SCHIP1: variants seen among roughly 807,000 people sequenced by gnomAD.
SCHIP1 encodes the protein schwannomin interacting protein 1.
SCHIP1 carries 8 observed loss-of-function variants against 29.7 expected under a neutral mutation model. That is an observed-to-expected ratio of 0.27 (90% confidence interval 0.16 to 0.49). SCHIP1 has a LOEUF of 0.49. Ranked by LOEUF, SCHIP1 falls within the 20% of genes least tolerant of loss-of-function variation. SCHIP1 has a pLI of 0.99. For missense variants in SCHIP1, 193 were observed against 294.6 expected (o/e 0.66, Z 2.52); for synonymous variants, 76 against 94.9 (o/e 0.80, Z 1.16).
the SCHIP1 span, among the ~76,000 whole-genome samples, chr3:159,378,433 T>G: frequency 6.6e-6 from 1 of 151,854 alleles, no homozygotes; most frequent in Non-Finnish European, 1.5e-5. Flanking sequence ...CTTGGGTGGT[T>G]GTTTTTGTTG....
chr3:159,569,100 T>C, the SCHIP1 span, among the ~76,000 whole-genome samples: 3 of 152,170 alleles, frequency 2.0e-5, no homozygotes, highest in Admixed American at 6.6e-5. Flanking sequence ...TCAACCTTCC[T>C]GAGTCCCTGT....
At chr3:159,274,223 G>A in the SCHIP1 span, 1 of 985,154 alleles carries the variant, frequency 1.0e-6, no homozygotes, top group African/African-American at 1.7e-5. Context: ...TGTACAATCT[G>A]TTGCCCTTTG....
At chr3:159,647,783 G>A in the SCHIP1 span, among the ~76,000 whole-genome samples, 4 of 152,126 alleles carry the variant, frequency 2.6e-5, no homozygotes, top group Non-Finnish European at 4.4e-5. Flanking sequence ...AAAATGGAAA[G>A]CCACGAGAAC....
chr3:159,552,256 G>C, the SCHIP1 span, among the ~76,000 whole-genome samples: 2 of 151,820 alleles, frequency 1.3e-5, no homozygotes, highest in African/African-American at 4.8e-5. Context: ...ATGTTGGCCA[G>C]ACTGGTCTCC....
At chr3:159,289,404 C>A in the SCHIP1 span, among the ~76,000 whole-genome samples, 1 of 102,068 alleles carries the variant, frequency 9.8e-6, no homozygotes, top group South Asian at 2.6e-4. Flanking sequence ...ACACATAAAG[C>A]TCTTATTTAT....
chr3:159,392,538 T>C, the SCHIP1 span, among the ~76,000 whole-genome samples: 1 of 147,462 alleles, frequency 6.8e-6, no homozygotes, highest in Admixed American at 6.8e-5. Flanking sequence ...AGTTCCCACC[T>C]ATGAGTGAGA....
the SCHIP1 span, among the ~76,000 whole-genome samples, chr3:159,323,896 C>T: frequency 6.6e-6 from 1 of 152,112 alleles, no homozygotes; most frequent in Admixed American, 6.6e-5. Context: ...GTTAGGAGTG[C>T]ATATTTAGCT....
chr3:159,721,132 C>G, the SCHIP1 span, among the ~76,000 whole-genome samples: 2 of 152,002 alleles, frequency 1.3e-5, no homozygotes, highest in African/African-American at 4.8e-5. Context: ...GAACCCATTT[C>G]AAATATGTGA....
chr3:159,426,029 A>T, the SCHIP1 span, among the ~76,000 whole-genome samples: 6 of 152,178 alleles, frequency 3.9e-5, no homozygotes, highest in African/African-American at 1.4e-4. Flanking sequence ...AATCTCTGGG[A>T]CACATTCAAA....
the SCHIP1 span, among the ~76,000 whole-genome samples, chr3:159,301,612 C>T: frequency 6.6e-6 from 1 of 152,100 alleles, no homozygotes; most frequent in Non-Finnish European, 1.5e-5. Context: ...GGATGGATTT[C>T]CCCTTTGCTG....
the SCHIP1 span, among the ~76,000 whole-genome samples, chr3:159,407,867 A>G: frequency 2.6e-5 from 4 of 152,218 alleles, no homozygotes; most frequent in African/African-American, 7.2e-5. Context: ...ACCAAGACCT[A>G]TGGAATACAG....
At chr3:159,425,634 A>C in the SCHIP1 span, among the ~76,000 whole-genome samples, 3 of 152,080 alleles carry the variant, frequency 2.0e-5, no homozygotes, top group Non-Finnish European at 2.9e-5. Context: ...ACAGATCAAC[A>C]AGACAGAAAG....
At chr3:159,747,842 C>A in the SCHIP1 span, among the ~76,000 whole-genome samples, 1 of 152,142 alleles carries the variant, frequency 6.6e-6, no homozygotes, top group African/African-American at 2.4e-5. Flanking sequence ...AGTCAAATAT[C>A]TTTTGAGCTT....
chr3:159,572,922 T>C, the SCHIP1 span, among the ~76,000 whole-genome samples: 1,020 of 147,770 alleles, frequency 6.9e-3, 13 homozygotes, highest in African/African-American at 0.025. Context: ...CAGACTAGGA[T>C]TGCAACCTCT....
chr3:159,695,648 C>T, the SCHIP1 span, among the ~76,000 whole-genome samples: 16 of 152,174 alleles, frequency 1.1e-4, no homozygotes, highest in Non-Finnish European at 2.1e-4. Flanking sequence ...TGGATTTCCA[C>T]CTTGGCTACA....
chr3:159,756,300 G>A, the SCHIP1 span, among the ~76,000 whole-genome samples: 1 of 152,204 alleles, frequency 6.6e-6, no homozygotes, highest in Non-Finnish European at 1.5e-5. Flanking sequence ...TGACATCTAT[G>A]CACTCACAGG....
At chr3:159,818,563 T>C in the SCHIP1 span, among the ~76,000 whole-genome samples, 1 of 152,234 alleles carries the variant, frequency 6.6e-6, no homozygotes. Flanking sequence ...AGAGCCTTTG[T>C]GTGACCGTAG....
chr3:159,363,181 T>C, the SCHIP1 span, among the ~76,000 whole-genome samples: 433 of 152,244 alleles, frequency 2.8e-3, no homozygotes, highest in African/African-American at 9.9e-3. Flanking sequence ...ACAGACACAA[T>C]AGAATTGTTA....
the SCHIP1 span, among the ~76,000 whole-genome samples, chr3:159,795,589 G>A: frequency 3.3e-5 from 5 of 152,224 alleles, no homozygotes; most frequent in African/African-American, 1.2e-4. Context: ...GACATGCAAA[G>A]AGTCCCTGGA....
Sources: gnomAD v4.1 joint callset for allele counts (sites outside exome capture counted in the v4.1 genomes callset) on GRCh38, gnomAD v4.1.1 for gene constraint, MANE v1.5 for transcripts, NCBI Gene and HGNC (gene_info 2026-07-23, HGNC 2026-07-21) for gene names.